ZNF791: variants seen among roughly 807,000 people sequenced by gnomAD.
ZNF791 encodes the protein zinc finger protein 791.
A neutral mutation model predicts 11.5 loss-of-function variants in ZNF791; 4 were observed. The observed-to-expected ratio is 0.35, with a 90% CI of 0.17 to 0.80. The LOEUF is 0.80. ZNF791 is among the 30% of genes least tolerant of loss of function. The pLI is 0.53. For missense variants in ZNF791, 559 were observed against 699.4 expected (o/e 0.80, Z 2.26); for synonymous variants, 212 against 228.1 (o/e 0.93, Z 0.64).
intron 1 of ZNF791, among the ~76,000 whole-genome samples, chr19:12,612,617 T>A (rs2023176432): frequency 9.9e-6 from 1 of 100,554 alleles, no homozygotes; most frequent in African/African-American, 3.3e-5. Context: ...AATTTTTGTA[T>A]TTTTTTTTTT....
rs2023450740 is a variant in ZNF791 at position 12,627,801 on chromosome 19, CGAA to C, written c.278_280del (p.Lys93del). On this transcript the variant is annotated inframe_deletion, in exon 4 of 4. Transcript: ENST00000343325. The stretch of plus-strand genomic sequence containing the variant: ...AACTTCAGTCCCAATCTCAGTGTGA[CGAA>C]GAAGACTGCCGGAGTAAAACCATAT... The C allele has an allele frequency of 2.5e-6, 4 of 1,613,976 alleles. No individual in the cohort carries two copies. The highest frequency in any genetic ancestry group is 3.4e-6 in the Non-Finnish European group (4 of 1,180,032).
chr19:12,626,992 GC>G (rs1237317051), intron 3 of ZNF791, among the ~76,000 whole-genome samples: 1 of 152,080 alleles, frequency 6.6e-6, no homozygotes. Context: ...ACCAGCCTGG[GC>G]AACAAGACGA....
At chr19:12,625,876 G>A (rs571843527) in intron 3 of ZNF791, among the ~76,000 whole-genome samples, 22 of 151,742 alleles carry the variant, frequency 1.4e-4, no homozygotes, top group Non-Finnish European at 2.5e-4. Context: ...ACAGAGTCTC[G>A]CTCTGTCACC....
chr19:12,619,843 CT>C (rs989316495), intron 1 of ZNF791, among the ~76,000 whole-genome samples: 3 of 90,990 alleles, frequency 3.3e-5, no homozygotes, highest in South Asian at 2.5e-4. Flanking sequence ...GGAGATGAAC[CT>C]TTTTTTTCTG....
intron 1 of ZNF791, among the ~76,000 whole-genome samples, chr19:12,620,792 G>C (rs1040144455): frequency 2.0e-4 from 23 of 112,280 alleles, no homozygotes; most frequent in African/African-American, 8.4e-4. Context: ...ATAGAGTCTC[G>C]CTCTGTTGCC....
At chr19:12,616,309 G>C (rs1335455110) in intron 1 of ZNF791, among the ~76,000 whole-genome samples, 1 of 152,144 alleles carries the variant, frequency 6.6e-6, no homozygotes, top group Non-Finnish European at 1.5e-5. Flanking sequence ...AGTTCGAATT[G>C]GAGGCAGGCA....
chr19:12,626,237 G>A (rs1313332823), intron 3 of ZNF791, among the ~76,000 whole-genome samples: 2 of 151,966 alleles, frequency 1.3e-5, no homozygotes, highest in East Asian at 1.9e-4. Flanking sequence ...GGATGGTCAC[G>A]ATCTCCTGAC....
rs763489678 is a variant in ZNF791 at position 12,628,257 on chromosome 19, C to G, written c.728C>G (p.Pro243Arg). Residue 243 changes from proline to arginine, a missense_variant, in exon 4 of 4, where the codon CCC becomes CGC. Physicochemically the swap from Pro to Arg is moderately radical, Grantham distance 103. Coordinates refer to ENST00000343325, the MANE Select transcript of ZNF791 (RefSeq NM_153358.3). ...GAAAGAACTCACACTGGAGAGAAAC[C>G]CTATGCATGTAAGGAATGTGGGAAA... ...VHERTHTGEK[P>R]YACKECGKAF... 3.7e-6 allele frequency: 6 copies of G among 1,613,740 alleles called. No individual in the cohort carries two copies. The Admixed American group carries it at 8.3e-5, about 22-fold the overall frequency.
chr19:12,629,350 C>A lies in ZNF791; in HGVS notation c.*90C>A. On this transcript the variant is annotated 3_prime_UTR_variant, in exon 4 of 4. Coordinates refer to ENST00000343325, the MANE Select transcript of ZNF791 (RefSeq NM_153358.3). Reference sequence around the variant, plus strand: ...AAAATTCCCACTGAAGAGAGAAATCCTGTCAATGTAAGTAATATAGAAAGC... The same window carrying A: ...AAAATTCCCACTGAAGAGAGAAATCATGTCAATGTAAGTAATATAGAAAGC... The A allele has an allele frequency of 2.0e-6, 2 of 989,710 alleles. No homozygotes were observed. The highest frequency in any genetic ancestry group is 2.8e-6 in the Non-Finnish European group (2 of 706,944). The allele number at this position is 989,710 out of a possible 1,614,324, so 61.3% of individuals were successfully genotyped here. A position where few individuals can be genotyped will look rare whatever the true frequency, so the allele number is the denominator to read the frequency against.
rs1337187985 is a variant in ZNF791 at position 12,629,701 on chromosome 19, T to G, written c.*441T>G. On this transcript the variant is annotated 3_prime_UTR_variant, in exon 4 of 4. Transcript: ENST00000343325. ...ATCAAGACCATCCTGGCTAACACGG[T>G]AAAACCCCATCTCTACTAAAAATAC... The G allele has an allele frequency of 1.3e-5, 2 of 151,804 alleles. No individual in the cohort carries two copies. Among genetic ancestry groups the G allele is most frequent in the Non-Finnish European group, 2.9e-5 (2 of 68,060 alleles). The allele number at this position is 151,804 out of a possible 1,614,324, so 9.4% of individuals were successfully genotyped here. A position where few individuals can be genotyped will look rare whatever the true frequency, so the allele number is the denominator to read the frequency against.
At chr19:12,611,461 C>G (rs890764705) in intron 1 of ZNF791, among the ~76,000 whole-genome samples, 14 of 152,146 alleles carry the variant, frequency 9.2e-5, no homozygotes, top group African/African-American at 2.9e-4. Context: ...CCTGTCCCCC[C>G]AGCCTAGCTC....
intron 1 of ZNF791, among the ~76,000 whole-genome samples, chr19:12,619,851 T>C (rs1362104071): frequency 1.2e-5 from 1 of 82,516 alleles, no homozygotes; most frequent in South Asian, 2.6e-4. Context: ...ACCTTTTTTT[T>C]CTGTTTTTTT....
At chr19:12,623,495 C>A in intron 1 of ZNF791, 1 of 570,746 alleles carries the variant, frequency 1.8e-6, no homozygotes, top group Non-Finnish European at 3.0e-6. Context: ...TAGATACTAC[C>A]ATTAGAGAGC....
chr19:12,617,551 T>G (rs2023263443), intron 1 of ZNF791, among the ~76,000 whole-genome samples: 2 of 152,194 alleles, frequency 1.3e-5, no homozygotes, highest in South Asian at 4.1e-4. Flanking sequence ...CATGGTGGTC[T>G]GAGAGCATAT....
chr19:12,622,746 T>G (rs1188706648), intron 1 of ZNF791, among the ~76,000 whole-genome samples: 1 of 151,832 alleles, frequency 6.6e-6, no homozygotes, highest in Admixed American at 6.6e-5. Context: ...TACAAAAAAT[T>G]AGCTGGGCGT....
intron 1 of ZNF791, among the ~76,000 whole-genome samples, chr19:12,618,910 T>C (rs1352592449): frequency 1.3e-5 from 2 of 150,974 alleles, no homozygotes; most frequent in Non-Finnish European, 3.0e-5. Context: ...TGCAGTGGTG[T>C]GATCTCAGCT....
chr19:12,617,913 C>CTTTTT (rs958944041), intron 1 of ZNF791, among the ~76,000 whole-genome samples: 8 of 94,696 alleles, frequency 8.4e-5, no homozygotes, highest in African/African-American at 2.1e-4. Flanking sequence ...CTAAATTTTG[C>CTTTTT]TTTTTTTTTT....
chr19:12,614,892 C>CGTTTTTTTTT (rs1191586602), intron 1 of ZNF791, among the ~76,000 whole-genome samples: 1 of 17,548 alleles, frequency 5.7e-5, no homozygotes, highest in Non-Finnish European at 1.3e-4. Flanking sequence ...TGCGTCCGGC[C>CGTTTTTTTTT]TTTTTTTTTT....
rs927983312 is a variant in ZNF791, at chr19:12,610,982, A to T, written c.-98A>T. 50 of 1,534,198 alleles carry T rather than the reference A, an allele frequency of 3.3e-5. No homozygotes were observed. The highest frequency in any genetic ancestry group is 2.9e-5 in the Non-Finnish European group (32 of 1,109,286). On this transcript the variant is annotated 5_prime_UTR_variant, in exon 1 of 4. Coordinates refer to ENST00000343325, the MANE Select transcript of ZNF791 (RefSeq NM_153358.3). Reference sequence around the variant, plus strand: ...TAGCTTGGGGTCTCCTGGCCCCTTGACGCGTCAGGTTGCTGTACCCCTGCA... The same window carrying T: ...TAGCTTGGGGTCTCCTGGCCCCTTGTCGCGTCAGGTTGCTGTACCCCTGCA...
Sources: allele counts gnomAD v4.1 joint callset (sites outside exome capture counted in the v4.1 genomes callset), GRCh38; gene constraint gnomAD v4.1.1; transcripts MANE v1.5; gene names NCBI Gene and HGNC (gene_info 2026-07-23, HGNC 2026-07-21).